Variants in SUPT3H observed in about 807,000 individuals in gnomAD.
SUPT3H encodes the protein transcription initiation protein SPT3 homolog.
SUPT3H carries 44 observed loss-of-function variants against 44.3 expected under a neutral mutation model. The ratio of observed to expected loss-of-function variants is 0.99; its 90% CI spans 0.78 to 1.28. The LOEUF is 1.28. Among genes scored for constraint, SUPT3H ranks in the 50% most tolerant of loss-of-function variants. The pLI is 0.00. For synonymous variants in SUPT3H, 124 were observed against 125.6 expected (o/e 0.99, Z 0.09); for missense variants, 380 against 387.1 (o/e 0.98, Z 0.15).
intron 2 of SUPT3H, among the ~76,000 whole-genome samples, chr6:45,176,582 G>A (rs1230797989): frequency 2.0e-5 from 3 of 152,278 alleles, no homozygotes; most frequent in South Asian, 2.1e-4. Context: ...CACAGCTCAA[G>A]GAGACCTGCC....
intron 9 of SUPT3H, among the ~76,000 whole-genome samples, chr6:44,934,322 C>T (rs1482420895): frequency 1.3e-5 from 2 of 152,098 alleles, no homozygotes; most frequent in Admixed American, 6.6e-5. Flanking sequence ...AATATATATA[C>T]ATAAGGATAC....
intron 3 of SUPT3H, among the ~76,000 whole-genome samples, chr6:45,105,056 T>C (rs547956587): frequency 6.6e-6 from 1 of 151,920 alleles, no homozygotes; most frequent in Non-Finnish European, 1.5e-5. Context: ...TACTAGGATA[T>C]ACATATACTA....
At chr6:45,190,542 A>G (rs1814957939) in intron 2 of SUPT3H, among the ~76,000 whole-genome samples, 1 of 152,172 alleles carries the variant, frequency 6.6e-6, no homozygotes, top group Admixed American at 6.5e-5. Context: ...TCTCATTTAA[A>G]CTATTAAATT....
chr6:45,149,782 C>T (rs930260442), intron 2 of SUPT3H, among the ~76,000 whole-genome samples: 2 of 152,096 alleles, frequency 1.3e-5, no homozygotes, highest in East Asian at 3.8e-4. Context: ...TTCCAAATAT[C>T]TCTATGTTTA....
chr6:45,250,919 T>G (rs1200088865), intron 2 of SUPT3H: 1 of 152,060 alleles, frequency 6.6e-6, no homozygotes, highest in Admixed American at 6.6e-5. Flanking sequence ...TTTGAACTCC[T>G]GGGCTCAAGC....
chr6:45,026,346 T>C (rs997474836), intron 3 of SUPT3H, among the ~76,000 whole-genome samples: 3 of 152,182 alleles, frequency 2.0e-5, no homozygotes, highest in African/African-American at 4.8e-5. Context: ...TGCACAACCT[T>C]AGATACATCA....
intron 3 of SUPT3H, among the ~76,000 whole-genome samples, chr6:45,054,549 C>T (rs1372661624): frequency 1.3e-5 from 2 of 152,126 alleles, no homozygotes; most frequent in Non-Finnish European, 2.9e-5. Flanking sequence ...AATGTGTATG[C>T]TTTTCCTTTG....
intron 2 of SUPT3H, chr6:45,322,800 A>T: frequency 9.6e-7 from 1 of 1,040,000 alleles, no homozygotes; most frequent in Non-Finnish European, 1.5e-6. Flanking sequence ...TCTCGCCCAT[A>T]TATTTTGGCA....
chr6:45,010,864 A>G (rs1783386800), intron 5 of SUPT3H, among the ~76,000 whole-genome samples: 1 of 152,132 alleles, frequency 6.6e-6, no homozygotes, highest in Non-Finnish European at 1.5e-5. Context: ...CCATGCAATC[A>G]TCTTTATCAA....
At chr6:44,970,728 A>T (rs939739234) in intron 6 of SUPT3H, among the ~76,000 whole-genome samples, 29 of 152,224 alleles carry the variant, frequency 1.9e-4, no homozygotes, top group Non-Finnish European at 3.8e-4. Flanking sequence ...TTTACAGTAC[A>T]GCAAGCATAT....
At chr6:44,823,363 A>G (rs1581830294), downstream of SUPT3H, among the ~76,000 whole-genome samples, 1 of 152,138 alleles carries the variant, frequency 6.6e-6, no homozygotes, top group Non-Finnish European at 1.5e-5. Context: ...GGAAAGAGCT[A>G]GGGAAGGAGA....
chr6:44,950,021 T>C (rs560998958), intron 9 of SUPT3H, among the ~76,000 whole-genome samples: 1 of 152,230 alleles, frequency 6.6e-6, no homozygotes, highest in Non-Finnish European at 1.5e-5. Flanking sequence ...CCTCAGAAAC[T>C]GGTGACAGTC....
chr6:44,915,903 A>G (rs754871106), intron 10 of SUPT3H, among the ~76,000 whole-genome samples: 1 of 152,156 alleles, frequency 6.6e-6, no homozygotes, highest in Non-Finnish European at 1.5e-5. Context: ...CACCTTGGAC[A>G]TATGTTCTCA....
intron 10 of SUPT3H, among the ~76,000 whole-genome samples, chr6:44,877,338 G>A (rs764284639): frequency 1.3e-5 from 2 of 152,034 alleles, no homozygotes; most frequent in Non-Finnish European, 2.9e-5. Flanking sequence ...GCGTGGTGGC[G>A]CATGCCTGTA....
intron 3 of SUPT3H, among the ~76,000 whole-genome samples, chr6:45,069,780 G>A (rs753101034): frequency 5.9e-5 from 9 of 152,086 alleles, no homozygotes; most frequent in South Asian, 4.2e-4. Context: ...AGTAGTCACC[G>A]AATTGGTTTT....
chr6:44,954,228 G>C (rs1219775790), intron 8 of SUPT3H, among the ~76,000 whole-genome samples: 1 of 152,180 alleles, frequency 6.6e-6, no homozygotes, highest in African/African-American at 2.4e-5. Flanking sequence ...ATGTGGATTT[G>C]AGTTCAATGT....
At position 44,903,200 on chromosome 6, in the gene SUPT3H, T is replaced by C. The variant is rs577453237; in HGVS notation, c.912+29453A>G. ...AAGATCAGAGCAGGACTGAAGGAGA[T>C]AGAGACACAAAAAACCCTTCAAAAA... On this transcript the variant is annotated intron_variant, in intron 10 of 10. Transcript: ENST00000371459. 2.6e-5 allele frequency among the ~76,000 whole-genome samples: 4 copies of C among 151,890 alleles called. No individual in the cohort carries two copies. In the South Asian group the frequency reaches 6.3e-4, roughly 24 times the overall value.
At chr6:45,289,406 G>A (rs1198379446) in intron 2 of SUPT3H, among the ~76,000 whole-genome samples, 1 of 152,098 alleles carries the variant, frequency 6.6e-6, no homozygotes, top group Non-Finnish European at 1.5e-5. Context: ...TGAGGAAATA[G>A]AAAGCCACCA....
At chr6:45,355,814 G>C (rs1419221675) in intron 2 of SUPT3H, among the ~76,000 whole-genome samples, 1 of 152,150 alleles carries the variant, frequency 6.6e-6, no homozygotes, top group Non-Finnish European at 1.5e-5. Context: ...TTCCAAGTCT[G>C]AATGTTTGGA....
Sources: allele counts gnomAD v4.1 joint callset (sites outside exome capture counted in the v4.1 genomes callset), GRCh38; gene constraint gnomAD v4.1.1; transcripts MANE v1.5; gene names NCBI Gene and HGNC (gene_info 2026-07-23, HGNC 2026-07-21).